MAPRE2: variants seen among roughly 807,000 people sequenced by gnomAD.
MAPRE2 encodes microtubule associated protein RP/EB family member 2.
Under a neutral mutation model 43.2 loss-of-function variants are expected in MAPRE2, and 13 were observed. The observed-to-expected ratio is 0.30, with a 90% CI of 0.20 to 0.48. The LOEUF (loss-of-function observed/expected upper bound fraction) is 0.48, where lower values mean the gene tolerates loss of function less well. MAPRE2 is among the 20% of genes least tolerant of loss of function. The pLI is 0.99. For synonymous variants in MAPRE2, 135 were observed against 148.8 expected, an observed-to-expected ratio of 0.91 and a Z score of 0.68; for missense variants, 161 against 400.2, an observed-to-expected ratio of 0.40 and a Z score of 5.10.
intron 1 of MAPRE2, among the ~76,000 whole-genome samples, chr18:35,065,707 C>T (rs1906804265): frequency 6.6e-6 from 1 of 152,116 alleles, no homozygotes; most frequent in African/African-American, 2.4e-5. Context: ...GCGCATGCCA[C>T]CAAACCTGGC....
chr18:35,098,640 T>C (rs1054256637), intron 3 of MAPRE2, among the ~76,000 whole-genome samples: 1 of 152,234 alleles, frequency 6.6e-6, no homozygotes, highest in Admixed American at 6.5e-5. Context: ...AATTAGCTCT[T>C]TCCATATGTA....
At chr18:35,032,944 AT>A (rs1485139144) in intron 2 of MAPRE2, among the ~76,000 whole-genome samples, 1 of 152,086 alleles carries the variant, frequency 6.6e-6, no homozygotes, top group East Asian at 1.9e-4. Context: ...ATAGTTGCTG[AT>A]TCCCATTAGT....
At position 35,102,089 on chromosome 18, in the gene MAPRE2, T is replaced by C; in HGVS notation, c.540T>C (p.Pro180=). 1 of 1,613,316 alleles carries C rather than the reference T, an allele frequency of 6.2e-7. No individual in the cohort carries two copies. Among genetic ancestry groups the C allele is most frequent in the Non-Finnish European group, 8.5e-7 (1 of 1,179,696 alleles). ...CACGACAAGGGCAAGATGCAATTCC[T>C]CCTCCTGACCCTGGTGAACAGATCT... ...VEARQGQDAI[P]PPDPGEQIFN... Residue 180 remains proline (P), a synonymous_variant, in exon 4 of 7, where the codon CCT becomes CCC. Coordinates refer to ENST00000300249, the MANE Select transcript of MAPRE2 (RefSeq NM_014268.4).
rs553500448 is a variant in MAPRE2 at position 34,989,720 on chromosome 18, CT to C, written c.-70+12652del. 8.1e-4 allele frequency among the ~76,000 whole-genome samples: 118 copies of C among 146,160 alleles called. 1 individual carries two copies. Among genetic ancestry groups the C allele is most frequent in the East Asian group, 7.4e-3 (37 of 5,028 alleles). On this transcript the variant is annotated intron_variant, in intron 1 of 7. Transcript: ENST00000413393. ...AGTGAGACATTCCCTCTCTCTCTGT[CT>C]TTTTTTTTTTAAGTTGTGGTCCATT...
upstream of MAPRE2, among the ~76,000 whole-genome samples, chr18:35,037,609 T>C (rs919536374): frequency 2.0e-5 from 3 of 152,196 alleles, no homozygotes; most frequent in Non-Finnish European, 4.4e-5. Context: ...TATGCCTGTG[T>C]ACATAAGACA....
chr18:35,014,726 GAAC>G (rs1568972200), intron 2 of MAPRE2, among the ~76,000 whole-genome samples: 1 of 152,072 alleles, frequency 6.6e-6, no homozygotes, highest in East Asian at 1.9e-4. Flanking sequence ...GTGAAACTTA[GAAC>G]AACTTACTGA....
At chr18:35,104,934 C>A (rs746643308) in intron 4 of MAPRE2, among the ~76,000 whole-genome samples, 2 of 152,096 alleles carry the variant, frequency 1.3e-5, no homozygotes, top group Non-Finnish European at 2.9e-5. Context: ...ACTCAACTGC[C>A]ATTTTTTTCA....
At chr18:35,035,518 TA>T (rs1375056797) in intron 2 of MAPRE2, among the ~76,000 whole-genome samples, 19 of 151,132 alleles carry the variant, frequency 1.3e-4, no homozygotes, top group East Asian at 3.9e-4. Flanking sequence ...ATAATAAAAA[TA>T]AAAAAAAATT....
intron 1 of MAPRE2, among the ~76,000 whole-genome samples, chr18:34,992,506 T>C (rs553755136): frequency 2.0e-5 from 3 of 152,348 alleles, no homozygotes; most frequent in African/African-American, 7.2e-5. Flanking sequence ...GGTCTCATAA[T>C]AAAATGAAAG....
intron 1 of MAPRE2, among the ~76,000 whole-genome samples, chr18:35,058,999 A>G (rs1050184137): frequency 1.3e-5 from 2 of 152,164 alleles, no homozygotes; most frequent in Admixed American, 1.3e-4. Flanking sequence ...ATCTTTTCCT[A>G]CATAACATAA....
chr18:35,134,175 A>C (rs891532882), intron 6 of MAPRE2, among the ~76,000 whole-genome samples: 3 of 152,186 alleles, frequency 2.0e-5, no homozygotes, highest in African/African-American at 7.2e-5. Context: ...TTGTCATCCC[A>C]TTGTACAGAT....
chr18:35,071,962 C>G (rs1907137300), intron 2 of MAPRE2, among the ~76,000 whole-genome samples: 1 of 152,202 alleles, frequency 6.6e-6, no homozygotes, highest in South Asian at 2.1e-4. Flanking sequence ...CTCCTTTGCC[C>G]TTCAATACAA....
intron 1 of MAPRE2, among the ~76,000 whole-genome samples, chr18:34,994,659 A>G (rs962613767): frequency 2.0e-5 from 3 of 152,202 alleles, no homozygotes; most frequent in African/African-American, 7.2e-5. Context: ...AATATTTTAT[A>G]TCCCTATAAT....
At chr18:35,136,836 T>A (rs1327025159) in intron 6 of MAPRE2, among the ~76,000 whole-genome samples, 1 of 152,230 alleles carries the variant, frequency 6.6e-6, no homozygotes, top group Non-Finnish European at 1.5e-5. Flanking sequence ...CTAATGATTA[T>A]AAGGAAACTA....
At chr18:35,090,794 C>T (rs1908110296) in intron 2 of MAPRE2, among the ~76,000 whole-genome samples, 1 of 150,874 alleles carries the variant, frequency 6.6e-6, no homozygotes, top group Non-Finnish European at 1.5e-5. Flanking sequence ...TGTTTGCAGA[C>T]AGCATGATTA....
chr18:35,096,315 A>C (rs956101033), intron 2 of MAPRE2, among the ~76,000 whole-genome samples: 1 of 152,182 alleles, frequency 6.6e-6, no homozygotes, highest in Non-Finnish European at 1.5e-5. Context: ...ATGAACCTAA[A>C]AATGGTGACT....
At chr18:34,979,528 G>T (rs2097014974) in intron 1 of MAPRE2, among the ~76,000 whole-genome samples, 1 of 151,558 alleles carries the variant, frequency 6.6e-6, no homozygotes, top group Non-Finnish European at 1.5e-5. Context: ...TGTTAGAAGG[G>T]GAAACACAAA....
intron 1 of MAPRE2, among the ~76,000 whole-genome samples, chr18:34,990,600 T>C (rs2097023263): frequency 6.6e-6 from 1 of 152,210 alleles, no homozygotes; most frequent in Admixed American, 6.5e-5. Flanking sequence ...TCATCTATGA[T>C]AAATTTCATC....
chr18:35,083,029 T>C (rs983378920), intron 2 of MAPRE2, among the ~76,000 whole-genome samples: 1 of 152,178 alleles, frequency 6.6e-6, no homozygotes, highest in African/African-American at 2.4e-5. Flanking sequence ...TTAACATTGC[T>C]AAATAAACAA....
Sources: allele counts gnomAD v4.1 joint callset (sites outside exome capture counted in the v4.1 genomes callset), GRCh38; gene constraint gnomAD v4.1.1; transcripts MANE v1.5; gene names NCBI Gene and HGNC (gene_info 2026-07-23, HGNC 2026-07-21).